Variants in APBA1 observed in about 807,000 individuals in gnomAD.
The protein encoded by APBA1 is amyloid-beta A4 precursor protein-binding family A member 1.
In APBA1, 55 loss-of-function variants were observed where a neutral mutation model predicts 86.6. That is an observed-to-expected ratio of 0.64 (90% CI 0.51 to 0.80). The LOEUF (loss-of-function observed/expected upper bound fraction) is 0.80. APBA1 is among the 30% of genes least tolerant of loss of function. The pLI, the probability that APBA1 is intolerant of heterozygous loss-of-function variation, is 0.00. For synonymous variants in APBA1, 511 were observed against 493.9 expected (o/e 1.03, Z -0.46); for missense variants, 1,090 against 1,183.0 (o/e 0.92, Z 1.15).
rs1834912732 is a variant in APBA1 at position 69,446,614 on chromosome 9, G to T, written c.2181+2970C>A. On this transcript the variant is annotated intron_variant, in intron 10 of 12. Transcript: ENST00000265381. ...CTTGATGCTGTGGCAGCTGCAGAGG[G>T]AGTCAGGCTGCCCTCATAGCCTCAC... Among the ~76,000 whole-genome samples, 3 of 152,228 alleles carry T rather than the reference G, an allele frequency of 2.0e-5. No homozygotes were observed. In the South Asian group the frequency reaches 6.2e-4, roughly 32 times the overall value.
intron 1 of APBA1, among the ~76,000 whole-genome samples, chr9:69,554,077 A>G (rs1216085208): frequency 6.6e-6 from 1 of 152,210 alleles, no homozygotes; most frequent in Non-Finnish European, 1.5e-5. Flanking sequence ...AGCCCCTAGT[A>G]TATCATGTTC....
intron 1 of APBA1, among the ~76,000 whole-genome samples, chr9:69,621,953 T>G (rs1234024534): frequency 6.6e-6 from 1 of 152,152 alleles, no homozygotes; most frequent in African/African-American, 2.4e-5. Context: ...GGCAAACTGA[T>G]AAATAGCATA....
At chr9:69,568,469 T>C (rs370714757) in intron 1 of APBA1, among the ~76,000 whole-genome samples, 6 of 152,344 alleles carry the variant, frequency 3.9e-5, no homozygotes, top group East Asian at 3.9e-4. Context: ...CCAGAATGCA[T>C]GCATTATATC....
At chr9:69,587,074 C>T (rs550138513) in intron 1 of APBA1, among the ~76,000 whole-genome samples, 38 of 152,232 alleles carry the variant, frequency 2.5e-4, no homozygotes, top group African/African-American at 8.4e-4. Context: ...TTGTAGTGAA[C>T]ATTTTTGTCC....
At chr9:69,523,477 G>GTATATATATATATA (rs1163577400) in intron 1 of APBA1, among the ~76,000 whole-genome samples, 4 of 80,630 alleles carry the variant, frequency 5.0e-5, no homozygotes, top group Admixed American at 4.2e-4. Context: ...ATATATATAT[G>GTATATATATATATA]TATATATATA....
chr9:69,457,849 C>T (rs1195079959), intron 6 of APBA1, among the ~76,000 whole-genome samples: 6 of 152,134 alleles, frequency 3.9e-5, no homozygotes, highest in African/African-American at 9.7e-5. Flanking sequence ...ATCAAACAGA[C>T]TCAAGTCCCT....
At chr9:69,588,033 A>AG (rs1461035232) in intron 1 of APBA1, among the ~76,000 whole-genome samples, 1 of 151,390 alleles carries the variant, frequency 6.6e-6, no homozygotes, top group Non-Finnish European at 1.5e-5. Flanking sequence ...CTCAAAAAAA[A>AG]AAAAAAAAAA....
intron 1 of APBA1, among the ~76,000 whole-genome samples, chr9:69,595,206 G>C (rs1822204852): frequency 6.6e-6 from 1 of 152,102 alleles, no homozygotes; most frequent in African/African-American, 2.4e-5. Context: ...TAATATTGCT[G>C]TCTGAAGCCT....
At chr9:69,538,440 A>G (rs1836548231) in intron 1 of APBA1, among the ~76,000 whole-genome samples, 1 of 152,222 alleles carries the variant, frequency 6.6e-6, no homozygotes, top group Non-Finnish European at 1.5e-5. Context: ...ATGGAACTTA[A>G]TAAGGACAGA....
intron 10 of APBA1, among the ~76,000 whole-genome samples, chr9:69,446,731 C>G (rs969312467): frequency 6.6e-6 from 1 of 152,184 alleles, no homozygotes; most frequent in Non-Finnish European, 1.5e-5. Context: ...CTGGGCAAGT[C>G]TCCTGTGCCT....
At chr9:69,432,435 G>C (rs546891341) in intron 12 of APBA1, 101 bp downstream of exon 12, 1 of 1,224,642 alleles carries the variant, frequency 8.2e-7, no homozygotes, top group Non-Finnish European at 1.1e-6. Context: ...GGAAACTCAG[G>C]GAGCTTTCCT....
At chr9:69,623,625 T>C (rs1822870522) in intron 1 of APBA1, among the ~76,000 whole-genome samples, 1 of 152,164 alleles carries the variant, frequency 6.6e-6, no homozygotes. Context: ...TTAATGCATA[T>C]AAAAACCAGC....
chr9:69,630,764 C>A (rs1480774764), intron 1 of APBA1, among the ~76,000 whole-genome samples: 1 of 152,218 alleles, frequency 6.6e-6, no homozygotes, highest in Non-Finnish European at 1.5e-5. Flanking sequence ...TCTTCAGCTT[C>A]TCTTCTTAGG....
rs149466310 is a variant in APBA1 at position 69,513,973 on chromosome 9, G to C, written c.1200+2038C>G. Among the ~76,000 whole-genome samples the C allele has an allele frequency of 3.1e-3, 468 of 152,252 alleles. 4 individuals are homozygous for C. The highest frequency in any genetic ancestry group is 0.011 in the African/African-American group (447 of 41,530). On this transcript the variant is annotated intron_variant, in intron 2 of 12. Transcript: ENST00000265381. ...TCCAAGATCCATTTTTAAATGAAAG[G>C]CTTCAAAATTATTCAAGAGTATGGA...
At chr9:69,439,546 T>C (rs934394722) in intron 11 of APBA1, among the ~76,000 whole-genome samples, 4 of 152,224 alleles carry the variant, frequency 2.6e-5, no homozygotes, top group African/African-American at 9.6e-5. Context: ...TCATCTTCCA[T>C]TGCTGATACC....
At chr9:69,544,951 G>T (rs911420630) in intron 1 of APBA1, among the ~76,000 whole-genome samples, 14 of 152,190 alleles carry the variant, frequency 9.2e-5, no homozygotes, top group African/African-American at 2.7e-4. Flanking sequence ...ACTCTTGGGG[G>T]TTCTGTTCAG....
chr9:69,650,559 GGTT>G (rs574903664), intron 1 of APBA1, among the ~76,000 whole-genome samples: 1 of 152,174 alleles, frequency 6.6e-6, no homozygotes, highest in Non-Finnish European at 1.5e-5. Context: ...GTTAGTGAAT[GGTT>G]GTTGGCTTCT....
chr9:69,586,796 A>C (rs947851743), intron 1 of APBA1, among the ~76,000 whole-genome samples: 15 of 152,198 alleles, frequency 9.9e-5, no homozygotes, highest in African/African-American at 3.4e-4. Context: ...ATAAGGGAAG[A>C]CCTGGCTGCC....
intron 1 of APBA1, among the ~76,000 whole-genome samples, chr9:69,614,339 A>C (rs1425276076): frequency 6.6e-6 from 1 of 152,178 alleles, no homozygotes; most frequent in Non-Finnish European, 1.5e-5. Flanking sequence ...TCTTGTGGAG[A>C]TATTAAATGA....
Sources: allele counts gnomAD v4.1 joint callset (sites outside exome capture counted in the v4.1 genomes callset), GRCh38; gene constraint gnomAD v4.1.1; transcripts MANE v1.5; gene names NCBI Gene and HGNC (gene_info 2026-07-23, HGNC 2026-07-21).